ITPR1: variants seen among roughly 807,000 people sequenced by gnomAD.
The protein encoded by ITPR1 is inositol 1,4,5-trisphosphate-gated calcium channel ITPR1.
ITPR1 carries 96 observed loss-of-function variants against 318.4 expected under a neutral mutation model. The observed-to-expected ratio is 0.30, with a 90% CI of 0.26 to 0.36. ITPR1 has a LOEUF of 0.36. Ranked by LOEUF, ITPR1 falls within the 10% of genes least tolerant of loss-of-function variation. The pLI is 1.00. For synonymous variants in ITPR1, 1,312 were observed against 1,289.9 expected (o/e 1.02, Z -0.37); for missense variants, 2,440 against 3,460.2 (o/e 0.71, Z 7.40).
At chr3:4,726,639 T>C (rs2125307946) in intron 41 of ITPR1, among the ~76,000 whole-genome samples, 1 of 152,332 alleles carries the variant, frequency 6.6e-6, no homozygotes, top group Non-Finnish European at 1.5e-5. Flanking sequence ...CTCCTCATTC[T>C]GTTAACGGTT....
rs371131643 is a variant in ITPR1 at position 4,511,479 on chromosome 3, C to G, written c.-16-4997C>G. ...TGGCCAAAGCCACCCTGGAAGAATC[C>G]TGTTTTAACAGGTGCTTGCACCCAT... is the stretch of plus-strand genomic sequence containing the variant. On this transcript the variant is annotated intron_variant, in intron 2 of 61. Transcript: ENST00000649015. 3.4e-4 allele frequency among the ~76,000 whole-genome samples: 52 copies of G among 152,290 alleles called. 1 individual carries two copies. The highest frequency in any genetic ancestry group is 2.9e-3 in the East Asian group (15 of 5,176).
At position 4,693,636 on chromosome 3, in the gene ITPR1, T is replaced by A. The variant is rs781061558; in HGVS notation, c.4176T>A (p.Ala1392=). 1.2e-6 allele frequency: 2 copies of A among 1,614,070 alleles called. No homozygotes were observed. The highest frequency in any genetic ancestry group is 1.7e-6 in the Non-Finnish European group (2 of 1,179,902). The change falls in exon 33 of 62, where the codon GCT becomes GCA. Residue 1392 remains alanine, a synonymous_variant. Transcript: ENST00000649015. ...MYHIHLVELL[A]VCTEGKNVYT... Reference sequence around the variant, plus strand: ...ACATCCACTTGGTCGAGCTCCTGGCTGTGTGCACGGAGGGTAAGAATGTCT... The same window carrying A: ...ACATCCACTTGGTCGAGCTCCTGGCAGTGTGCACGGAGGGTAAGAATGTCT...
intron 5 of ITPR1, among the ~76,000 whole-genome samples, chr3:4,635,463 C>T (rs559959305): frequency 2.1e-4 from 32 of 152,168 alleles, no homozygotes; most frequent in Non-Finnish European, 4.4e-4. Context: ...GCCTCAGCCT[C>T]CCGAGTAGCT....
At chr3:4,701,032 G>C (rs561513182) in intron 35 of ITPR1, among the ~76,000 whole-genome samples, 4 of 152,322 alleles carry the variant, frequency 2.6e-5, no homozygotes, top group Admixed American at 1.3e-4. Context: ...TACAATTCAA[G>C]ATGAAGTTTG....
At chr3:4,830,984 G>A (rs928047039) in intron 60 of ITPR1, 16 of 456,282 alleles carry the variant, frequency 3.5e-5, no homozygotes, top group African/African-American at 6.0e-5. Context: ...TTGATTACTC[G>A]GTAGTCTTTC....
At position 4,800,533 on chromosome 3, in the gene ITPR1, C is replaced by G. The variant is rs763562480; in HGVS notation, c.7040C>G (p.Ser2347Cys). Residue 2347 changes from serine (S) to cysteine (C), a missense_variant, in exon 54 of 62, where the codon TCC (serine) becomes TGC (cysteine). This residue lies in a region of ITPR1 where 126 missense variants were observed against 150.8 expected (regional missense o/e 0.84). Coordinates refer to ENST00000649015, the MANE Select transcript of ITPR1 (RefSeq NM_001378452.1). ...CATGGCATCCGGGCCTTAATTGCCT[C>G]CACAATTCTACGACTGATATTTTCA... ...KPHGIRALIA[S>C]TILRLIFSVG... The G allele has an allele frequency of 5.6e-6, 9 of 1,614,038 alleles. No homozygotes were observed. The East Asian group carries it at 2.0e-4, about 36-fold the overall frequency.
chr3:4,759,310 T>C lies in ITPR1; in HGVS notation c.5545-7220T>C, dbSNP rs567339821. Among the ~76,000 whole-genome samples the C allele has an allele frequency of 7.2e-5, 11 of 152,350 alleles. No homozygotes were observed. In the East Asian group the frequency reaches 1.9e-3, roughly 27 times the overall value. ...CAAGGCTGATCTGAAAAGGTAGTTT[T>C]GTTATTCTTTTAATCTAAGACCCGG... On this transcript the variant is annotated intron_variant, in intron 44 of 61. Coordinates refer to ENST00000649015, the MANE Select transcript of ITPR1 (RefSeq NM_001378452.1).
intron 4 of ITPR1, among the ~76,000 whole-genome samples, chr3:4,540,765 A>G (rs2084366467): frequency 6.6e-6 from 1 of 152,076 alleles, no homozygotes; most frequent in African/African-American, 2.4e-5. Context: ...TAGTAGAGAC[A>G]GGGTTTCAAC....
At chr3:4,635,516 AT>A (rs551817210) in intron 5 of ITPR1, among the ~76,000 whole-genome samples, 254 of 146,718 alleles carry the variant, frequency 1.7e-3, no homozygotes, top group African/African-American at 5.7e-3. Context: ...AATTTTTTGT[AT>A]TTTTTTTTTA....
chr3:4,696,973 T>C (rs975995431), intron 33 of ITPR1, among the ~76,000 whole-genome samples, 174 bp from the exon 34 acceptor site: 2 of 152,172 alleles, frequency 1.3e-5, no homozygotes, highest in Non-Finnish European at 2.9e-5. Flanking sequence ...AAAAGCTTTA[T>C]GGTTTTGGAT....
chr3:4,779,685 A>G lies in ITPR1; in HGVS notation c.6387+40A>G, dbSNP rs781003386. On this transcript the variant is annotated intron_variant, in intron 49 of 61. Transcript: ENST00000649015. This position sits in a 1 kb window ranked among gnomAD's most constrained non-coding sequence, Gnocchi z 4.0. The stretch of plus-strand genomic sequence containing the variant: ...GGATCTGATGGTAGCACCAAGGAGC[A>G]TTGCGACGATATTTGGGACAGAGCA... 3.6e-6 allele frequency: 5 copies of G among 1,385,660 alleles called. No homozygotes were observed. The South Asian group carries it at 5.8e-5, about 16-fold the overall frequency. 85.8% of individuals were successfully genotyped at this position (1,385,660 alleles called of 1,614,324 possible). A position where few individuals can be genotyped will look rare whatever the true frequency, so the allele number is the denominator to read the frequency against.
At position 4,826,790 on chromosome 3, in the gene ITPR1, C is replaced by T. The variant is rs566541705; in HGVS notation, c.8028+8548C>T. 9.2e-5 allele frequency among the ~76,000 whole-genome samples: 14 copies of T among 152,302 alleles called. No homozygotes were observed. The highest frequency in any genetic ancestry group is 6.5e-4 in the Admixed American group (10 of 15,304). ...TCTGCACTGACCTCCCAGTGCTCTC[C>T]TCCGAATTTCCTACATTCTGACCTT... is the stretch of plus-strand genomic sequence containing the variant. On this transcript the variant is annotated intron_variant, in intron 60 of 61. Transcript: ENST00000649015. The surrounding 1 kb of genome is among the most constrained non-coding windows in gnomAD (Gnocchi z 4.2).
chr3:4,768,866 G>A, intron 46 of ITPR1, 102 bp downstream of exon 46: 1 of 1,147,174 alleles, frequency 8.7e-7, no homozygotes, highest in Non-Finnish European at 1.2e-6. Context: ...CAGATTGCTT[G>A]AGCCAAGGAT....
At chr3:4,774,032 T>C (rs1287264317) in intron 46 of ITPR1, among the ~76,000 whole-genome samples, 1 of 152,146 alleles carries the variant, frequency 6.6e-6, no homozygotes, top group Non-Finnish European at 1.5e-5. Context: ...AATAAGTATT[T>C]AGTTACAAGA....
chr3:4,754,049 G>GT (rs199656457), intron 44 of ITPR1, among the ~76,000 whole-genome samples: 3,712 of 70,080 alleles, frequency 0.053, 105 homozygotes, highest in South Asian at 0.15. Flanking sequence ...CACAGAAAAT[G>GT]GGGGGGGGGT....
chr3:4,590,550 A>T (rs2090315570), intron 4 of ITPR1, among the ~76,000 whole-genome samples: 1 of 149,410 alleles, frequency 6.7e-6, no homozygotes, highest in South Asian at 2.1e-4. Flanking sequence ...TTTTAATTAT[A>T]ATTACTATTT....
intron 4 of ITPR1, among the ~76,000 whole-genome samples, chr3:4,617,145 A>C (rs931576102): frequency 6.6e-6 from 1 of 152,110 alleles, no homozygotes; most frequent in Non-Finnish European, 1.5e-5. Context: ...TAGTGGCCCC[A>C]GTGTGAGCAT....
Position 4,627,826 on chromosome 3 carries a change from C to G in ITPR1, c.227C>G (p.Ala76Gly), listed in dbSNP as rs2092885937. 1.2e-6 allele frequency: 2 copies of G among 1,613,736 alleles called. No individual in the cohort carries two copies. Among genetic ancestry groups the G allele is most frequent in the African/African-American group, 1.3e-5 (1 of 74,898 alleles). ...YSAQKQFWKA[A>G]KPGANSTTDA... ...GCCCAAAAGCAGTTCTGGAAAGCCG[C>G]TAAGCCTGGGGCCAACAGCACCACA... The change falls in exon 5 of 62, where the codon GCT (alanine) becomes GGT (glycine). Residue 76 changes from alanine to glycine, a missense_variant. By Grantham distance (60) the Ala-to-Gly change is moderately conservative. Coordinates refer to ENST00000649015, the MANE Select transcript of ITPR1 (RefSeq NM_001378452.1).
chr3:4,815,461 T>G (rs964472202), intron 59 of ITPR1, among the ~76,000 whole-genome samples: 2 of 152,192 alleles, frequency 1.3e-5, no homozygotes, highest in African/African-American at 4.8e-5. Context: ...ACTAACTGTG[T>G]AACATCATTT....
Sources: gnomAD v4.1 joint callset for allele counts (sites outside exome capture counted in the v4.1 genomes callset) on GRCh38, gnomAD v4.1.1 for gene constraint, gnomAD v4.1.1 regional missense constraint, Gnocchi (gnomAD v3.1) non-coding constraint, MANE v1.5 for transcripts, NCBI Gene and HGNC (gene_info 2026-07-23, HGNC 2026-07-21) for gene names.